NHSL3: variants seen among roughly 807,000 people sequenced by gnomAD.
NHSL3 encodes NHS-like protein 3.
At chr1:32,769,202 C>T in the NHSL3 span, among the ~76,000 whole-genome samples, 21 of 151,490 alleles carry the variant, frequency 1.4e-4, no homozygotes, top group Admixed American at 2.6e-4. Context: ...TGCAGTGAGC[C>T]GAGATTGCAC....
the NHSL3 span, chr1:32,753,941 C>T: frequency 1.1e-5 from 3 of 283,674 alleles, no homozygotes; most frequent in Non-Finnish European, 2.0e-5. Context: ...GGCCATTGGC[C>T]GCAGAGCTCG....
At chr1:32,746,067 A>G in the NHSL3 span, among the ~76,000 whole-genome samples, 5 of 151,854 alleles carry the variant, frequency 3.3e-5, no homozygotes, top group South Asian at 1.0e-3. Context: ...TGTCTCTACT[A>G]AAAAATACAA....
At chr1:32,772,243 C>G in the NHSL3 span, 1 of 1,604,672 alleles carries the variant, frequency 6.2e-7, no homozygotes, top group Non-Finnish European at 8.5e-7. Context: ...ACCTAAGGCT[C>G]CCCCACCTGT....
At chr1:32,762,978 ATTTTTTTTTTTT>A in the NHSL3 span, among the ~76,000 whole-genome samples, 1 of 126,176 alleles carries the variant, frequency 7.9e-6, no homozygotes, top group Non-Finnish European at 1.7e-5. Flanking sequence ...CTAGCCTGGA[ATTTTTTTTTTTT>A]TTTTTTTTGA....
the NHSL3 span, chr1:32,754,000 A>AGTCTCGCT: frequency 2.4e-6 from 1 of 418,998 alleles, no homozygotes; most frequent in East Asian, 4.1e-5. Flanking sequence ...CCCGCCCGCG[A>AGTCTCGCT]GTCTCGCTGC....
chr1:32,772,134 GCCCGTGTCCCCTGAGA>G, the NHSL3 span: 1 of 1,613,280 alleles, frequency 6.2e-7, no homozygotes, highest in Non-Finnish European at 8.5e-7. Flanking sequence ...AGCTGGAGCG[GCCCGTGTCCCCTGAGA>G]CCCAGGCTGA....
the NHSL3 span, chr1:32,771,268 G>A: frequency 6.2e-7 from 1 of 1,612,300 alleles, no homozygotes; most frequent in East Asian, 2.2e-5. Context: ...TCCTGGGCCT[G>A]TTTCTACCAC....
At chr1:32,753,672 ACAGT>A in the NHSL3 span, among the ~76,000 whole-genome samples, 4 of 152,206 alleles carry the variant, frequency 2.6e-5, no homozygotes, top group African/African-American at 4.8e-5. Context: ...CAGGCACGTG[ACAGT>A]CACGGGGAGG....
At chr1:32,772,290 CT>C in the NHSL3 span, 3 of 1,593,348 alleles carry the variant, frequency 1.9e-6, no homozygotes, top group Non-Finnish European at 2.6e-6. Context: ...CCCCACCCGC[CT>C]CCCCCAGTTA....
At chr1:32,768,466 G>A in the NHSL3 span, among the ~76,000 whole-genome samples, 1 of 152,084 alleles carries the variant, frequency 6.6e-6, no homozygotes, top group African/African-American at 2.4e-5. Flanking sequence ...TGGTGGGAGG[G>A]TACCTATAAT....
chr1:32,763,948 C>T, the NHSL3 span, among the ~76,000 whole-genome samples: 1 of 152,106 alleles, frequency 6.6e-6, no homozygotes, highest in Non-Finnish European at 1.5e-5. Context: ...GCAGCCCCAA[C>T]CTCCCAGGCT....
the NHSL3 span, chr1:32,767,925 C>T: frequency 2.5e-6 from 4 of 1,613,990 alleles, no homozygotes; most frequent in Non-Finnish European, 3.4e-6. Flanking sequence ...CACACTCAGG[C>T]CCAGGAGGGG....
the NHSL3 span, chr1:32,772,233 A>G: frequency 1.2e-6 from 2 of 1,606,114 alleles, no homozygotes; most frequent in Admixed American, 1.7e-5. Flanking sequence ...CAAAGAAGTC[A>G]CCTAAGGCTC....
At chr1:32,770,310 AAGCCGCTGC>A in the NHSL3 span, 1 of 1,612,460 alleles carries the variant, frequency 6.2e-7, no homozygotes, top group Non-Finnish European at 8.5e-7. The surrounding 1 kb of genome is among the most constrained non-coding windows in gnomAD (Gnocchi z 8.3). Flanking sequence ...TGCGCACACT[AAGCCGCTGC>A]AGCCTGCACT....
chr1:32,755,581 CCT>C, the NHSL3 span, among the ~76,000 whole-genome samples: 1 of 152,010 alleles, frequency 6.6e-6, no homozygotes, highest in Middle Eastern at 3.2e-3. Flanking sequence ...AATCAGGGGC[CCT>C]AGGTGACTTC....
the NHSL3 span, among the ~76,000 whole-genome samples, chr1:32,748,746 C>T: frequency 3.3e-5 from 5 of 152,114 alleles, no homozygotes; most frequent in African/African-American, 7.2e-5. Context: ...GTAATAGGGG[C>T]GGAGTTCCCT....
the NHSL3 span, among the ~76,000 whole-genome samples, chr1:32,756,215 G>T: frequency 1.3e-5 from 2 of 152,196 alleles, no homozygotes; most frequent in Non-Finnish European, 2.9e-5. Context: ...CTGGGTTGGG[G>T]TCAGCTTTAG....
chr1:32,755,952 C>T, the NHSL3 span, among the ~76,000 whole-genome samples: 1 of 152,098 alleles, frequency 6.6e-6, no homozygotes, highest in Non-Finnish European at 1.5e-5. Context: ...AACTGTGGGC[C>T]CAGACTTGTG....
At chr1:32,769,747 A>C in the NHSL3 span, 1 of 1,613,940 alleles carries the variant, frequency 6.2e-7, no homozygotes, top group Non-Finnish European at 8.5e-7. Context: ...GCGGCGGAGC[A>C]CTGTGCTGGG....
Sources: allele counts gnomAD v4.1 joint callset (sites outside exome capture counted in the v4.1 genomes callset), GRCh38; gene constraint gnomAD v4.1.1; non-coding constraint Gnocchi (gnomAD v3.1); transcripts MANE v1.5; gene names NCBI Gene and HGNC (gene_info 2026-07-23, HGNC 2026-07-21).